MARK2: variants seen among roughly 807,000 people sequenced by gnomAD.
MARK2 encodes the protein microtubule affinity regulating kinase 2.
In MARK2, 16 loss-of-function variants were observed where a neutral mutation model predicts 89.8. The ratio of observed to expected loss-of-function variants is 0.18; its 90% CI spans 0.12 to 0.27. The LOEUF (loss-of-function observed/expected upper bound fraction) is 0.27. Ranked by LOEUF, MARK2 falls within the 10% of genes least tolerant of loss-of-function variation. MARK2 has a pLI of 1.00. For missense variants in MARK2, 621 were observed against 1,049.9 expected (o/e 0.59, Z 5.65); for synonymous variants, 382 against 399.5 (o/e 0.96, Z 0.52).
At chr11:63,845,035 C>T (rs993497118) in intron 1 of MARK2, among the ~76,000 whole-genome samples, 1 of 152,310 alleles carries the variant, frequency 6.6e-6, no homozygotes, top group East Asian at 1.9e-4. Context: ...GTGATAGCTT[C>T]TCTGCTAAAT....
chr11:63,903,243 C>A lies in MARK2; in HGVS notation c.1514+85C>A. 9.6e-7 allele frequency: 1 copy of A among 1,043,324 alleles called. No homozygotes were observed. Among genetic ancestry groups the A allele is most frequent in the South Asian group, 1.3e-5 (1 of 78,098 alleles). 64.6% of individuals were successfully genotyped at this position (1,043,324 alleles called of 1,614,324 possible). ...TCTGTCAGCAGCACCGTCTCCTGTC[C>A]CTGCCAGCGCATTGCTCCCTGCTCC... On this transcript the variant is annotated intron_variant, in intron 14 of 18. Transcript: ENST00000402010. The surrounding 1 kb of genome is among the most constrained non-coding windows in gnomAD (Gnocchi z 5.1).
chr11:63,886,894 A>G (rs1939431872), intron 1 of MARK2, among the ~76,000 whole-genome samples: 1 of 152,276 alleles, frequency 6.6e-6, no homozygotes, highest in South Asian at 2.1e-4. Flanking sequence ...TGAAGGGACT[A>G]GAAAAATGAA....
At chr11:63,863,443 TCCCCCACC>T (rs1336013862) in intron 1 of MARK2, among the ~76,000 whole-genome samples, 4 of 97,584 alleles carry the variant, frequency 4.1e-5, no homozygotes, top group Non-Finnish European at 8.6e-5. Flanking sequence ...ACTATTGCCC[TCCCCCACC>T]CCCCCACCCC....
At chr11:63,896,448 A>G (rs952220356) in intron 3 of MARK2, among the ~76,000 whole-genome samples, 15 of 152,260 alleles carry the variant, frequency 9.9e-5, no homozygotes, top group Admixed American at 8.5e-4. Context: ...TTTTCTGAAC[A>G]AAACCTAGTT....
intron 1 of MARK2, among the ~76,000 whole-genome samples, chr11:63,875,460 T>C (rs1237463744): frequency 2.6e-5 from 4 of 152,114 alleles, no homozygotes; most frequent in Non-Finnish European, 5.9e-5. Context: ...TTATGTGGCC[T>C]AGGCTGGTCT....
chr11:63,896,073 C>G (rs73494137), intron 3 of MARK2, among the ~76,000 whole-genome samples: 2,574 of 152,300 alleles, frequency 0.017, 66 homozygotes, highest in African/African-American at 0.056. Context: ...ATTTCGCTCA[C>G]CGTCCCCCAA....
At chr11:63,880,249 A>G (rs1283615138) in intron 1 of MARK2, 2 of 150,798 alleles carry the variant, frequency 1.3e-5, no homozygotes, top group East Asian at 4.0e-4. Flanking sequence ...TGAGCTCCCC[A>G]GCTGCCGTTT....
At chr11:63,889,871 GC>G (rs1939692189) in intron 1 of MARK2, among the ~76,000 whole-genome samples, 1 of 152,184 alleles carries the variant, frequency 6.6e-6, no homozygotes, top group Non-Finnish European at 1.5e-5. Flanking sequence ...TATGATATAG[GC>G]CAGAGCTTTG....
intron 1 of MARK2, among the ~76,000 whole-genome samples, chr11:63,880,700 A>G (rs1939035800): frequency 6.6e-6 from 1 of 152,210 alleles, no homozygotes; most frequent in South Asian, 2.1e-4. Flanking sequence ...AAGGAAGGCT[A>G]GGGCTTGATT....
In MARK2 at chr11:63,908,973, C is replaced by G. The variant is rs1941573089; in HGVS notation, c.2103C>G (p.Thr701=). 6.4e-7 allele frequency: 1 copy of G among 1,564,668 alleles called. No individual in the cohort carries two copies. The highest frequency in any genetic ancestry group is 2.3e-5 in the East Asian group (1 of 43,692). ...RSLRFTWSMK[T]TSSMEPNEMM... is the part of the protein sequence containing the mutation. ...TCCGCTTCACGTGGAGTATGAAGAC[C>G]ACGAGCTCCATGGAGCCCAACGAGA... The change falls in exon 19 of 19, where the codon ACC becomes ACG. Residue 701 remains threonine, a synonymous_variant. Transcript: ENST00000402010.
intron 1 of MARK2, among the ~76,000 whole-genome samples, chr11:63,884,319 C>T (rs1181720635): frequency 6.6e-6 from 1 of 152,218 alleles, no homozygotes; most frequent in Non-Finnish European, 1.5e-5. Context: ...TTGGAGAGTG[C>T]TCTTTGCATT....
rs547958153 is a variant in MARK2 at position 63,863,756 on chromosome 11, G to GC, written c.54+24203dup. Among the ~76,000 whole-genome samples the GC allele has an allele frequency of 2.0e-3, 301 of 149,434 alleles. 1 individual carries two copies. The highest frequency in any genetic ancestry group is 7.2e-3 in the African/African-American group (292 of 40,542). On this transcript the variant is annotated intron_variant, in intron 1 of 18. Coordinates refer to ENST00000402010, the MANE Select transcript of MARK2 (RefSeq NM_001039469.3). ...TGGGATTACAGGTGTGAACCACTGTGCCCCCCCGCCCCACACCACCACCAC... is the reference window on the plus strand; with the variant it reads ...TGGGATTACAGGTGTGAACCACTGTGCCCCCCCCGCCCCACACCACCACCAC...
intron 1 of MARK2, among the ~76,000 whole-genome samples, chr11:63,882,002 A>G (rs1417954212): frequency 1.3e-5 from 2 of 151,978 alleles, no homozygotes; most frequent in African/African-American, 2.4e-5. Context: ...CTGAGAGTCT[A>G]GAGAAGTGAG....
chr11:63,909,485 A>G lies in MARK2; in HGVS notation c.*248A>G. 1 of 389,878 alleles carries G rather than the reference A, an allele frequency of 2.6e-6. No individual in the cohort carries two copies. The highest frequency in any genetic ancestry group is 6.3e-5 in the South Asian group (1 of 15,932). 24.2% of individuals were successfully genotyped at this position (389,878 alleles called of 1,614,324 possible). ...TCCTCTCCCCTACTGGAGGCAAAGGAAGGGGAGGGTGGATGGGGGGGCAGG... is the reference window on the plus strand; with the variant it reads ...TCCTCTCCCCTACTGGAGGCAAAGGGAGGGGAGGGTGGATGGGGGGGCAGG... On this transcript the variant is annotated 3_prime_UTR_variant, in exon 19 of 19. Transcript: ENST00000402010.
chr11:63,851,394 G>A (rs1236219640), intron 1 of MARK2, among the ~76,000 whole-genome samples: 1 of 151,614 alleles, frequency 6.6e-6, no homozygotes, highest in East Asian at 2.0e-4. Context: ...AGGCCAGCCT[G>A]GGCAACATGG....
intron 1 of MARK2, among the ~76,000 whole-genome samples, chr11:63,860,887 CAT>C (rs1281046671): frequency 2.0e-5 from 3 of 151,748 alleles, no homozygotes; most frequent in Non-Finnish European, 4.4e-5. Flanking sequence ...AACAAAAACT[CAT>C]GTCATTTGCT....
chr11:63,893,800 C>T (rs560704543), intron 1 of MARK2, among the ~76,000 whole-genome samples: 1 of 152,304 alleles, frequency 6.6e-6, no homozygotes, highest in East Asian at 1.9e-4. Context: ...AATTCAATCA[C>T]TTTATTTCAT....
chr11:63,898,936 T>C (rs1940640935), intron 6 of MARK2, 103 bp downstream of exon 6: 8 of 1,259,002 alleles, frequency 6.4e-6, no homozygotes, highest in Admixed American at 1.7e-5. Flanking sequence ...GGAGGGTACT[T>C]TGGGCTCTGC....
At chr11:63,892,903 A>ATT (rs1940008303) in intron 1 of MARK2, among the ~76,000 whole-genome samples, 1 of 134,270 alleles carries the variant, frequency 7.4e-6, no homozygotes, top group African/African-American at 3.1e-5. Flanking sequence ...TTGATTTCTT[A>ATT]ATTTTTTTTT....
Sources: gnomAD v4.1 joint callset for allele counts (sites outside exome capture counted in the v4.1 genomes callset) on GRCh38, gnomAD v4.1.1 for gene constraint, Gnocchi (gnomAD v3.1) non-coding constraint, MANE v1.5 for transcripts, NCBI Gene and HGNC (gene_info 2026-07-23, HGNC 2026-07-21) for gene names.